Variants in RYK observed in about 807,000 individuals in gnomAD.
The protein encoded by RYK is inactive tyrosine-protein kinase RYK.
Under a neutral mutation model 70.2 loss-of-function variants are expected in RYK, and 21 were observed. That is an observed-to-expected ratio of 0.30 (90% confidence interval 0.21 to 0.43). RYK has a LOEUF of 0.43. Among genes scored for constraint, RYK ranks in the 20% least tolerant of loss-of-function variants. The pLI is 1.00. For synonymous variants in RYK, 267 were observed against 278.0 expected (o/e 0.96, Z 0.39); for missense variants, 604 against 753.3 (o/e 0.80, Z 2.32).
At chr3:134,228,245 C>T (rs2014961764) in intron 1 of RYK, among the ~76,000 whole-genome samples, 2 of 151,986 alleles carry the variant, frequency 1.3e-5, no homozygotes, top group Admixed American at 6.6e-5. Flanking sequence ...GAGCTATGAT[C>T]GTGTCACTGC....
chr3:134,241,807 C>T (rs1293994595), intron 1 of RYK, among the ~76,000 whole-genome samples: 2 of 152,196 alleles, frequency 1.3e-5, no homozygotes, highest in Non-Finnish European at 2.9e-5. Flanking sequence ...TGCCCACAAC[C>T]TCAGCATCTC....
At chr3:134,168,178 G>A (rs2012754559) in intron 13 of RYK, among the ~76,000 whole-genome samples, 1 of 152,234 alleles carries the variant, frequency 6.6e-6, no homozygotes, top group East Asian at 1.9e-4. Context: ...TGGTGGGACT[G>A]TAAACTAGTT....
rs575113625 is a variant in RYK at position 134,227,761 on chromosome 3, C to G, written c.233-5222G>C. 1.9e-3 allele frequency among the ~76,000 whole-genome samples: 286 copies of G among 152,124 alleles called. 3 individuals are homozygous for G. The highest frequency in any genetic ancestry group is 6.5e-3 in the African/African-American group (268 of 41,490). ...CTCAGCTCACTGCAAGCTCTGCCTCCCGGGTTCACGCCATTCTCCCGCCTC... is the reference window on the plus strand; with the variant it reads ...CTCAGCTCACTGCAAGCTCTGCCTCGCGGGTTCACGCCATTCTCCCGCCTC... On this transcript the variant is annotated intron_variant, in intron 1 of 14. Transcript: ENST00000623711.
At chr3:134,168,050 G>A (rs1468430200) in intron 13 of RYK, among the ~76,000 whole-genome samples, 1 of 152,172 alleles carries the variant, frequency 6.6e-6, no homozygotes, top group Non-Finnish European at 1.5e-5. Context: ...TCAGAGAAAT[G>A]CAAATCAAAA....
At chr3:134,245,808 C>T (rs988690012) in intron 1 of RYK, among the ~76,000 whole-genome samples, 29 of 152,072 alleles carry the variant, frequency 1.9e-4, no homozygotes, top group African/African-American at 7.0e-4. Flanking sequence ...TGGCCCCAAA[C>T]GAGATGTAAA....
chr3:134,174,940 CTTATA>C (rs2013046625), intron 13 of RYK, among the ~76,000 whole-genome samples: 1 of 152,126 alleles, frequency 6.6e-6, no homozygotes, highest in Admixed American at 6.6e-5. Context: ...TGGTCTGCCT[CTTATA>C]TAAGAAAGAA....
chr3:134,191,797 T>C lies in RYK; in HGVS notation c.1015+52A>G, dbSNP rs537570512. 1.2e-5 allele frequency: 18 copies of C among 1,469,260 alleles called. No homozygotes were observed. In the East Asian group the frequency reaches 3.5e-4, roughly 29 times the overall value. The allele number at this position is 1,469,260 out of a possible 1,614,324, so 91.0% of individuals were successfully genotyped here. On this transcript the variant is annotated intron_variant, in intron 8 of 14. Transcript: ENST00000623711. The stretch of plus-strand genomic sequence containing the variant: ...TTTAAATTTTTGAAAAAAGTGTCTA[T>C]AGTGGTAACATTAAATCATACTTAA...
intron 2 of RYK, among the ~76,000 whole-genome samples, chr3:134,216,818 A>AAAAAAAAAAAAAAAAAAAAAAC (rs2014568171): frequency 6.7e-6 from 1 of 149,672 alleles, no homozygotes; most frequent in Non-Finnish European, 1.5e-5. Context: ...AAAAAAAAAA[A>AAAAAAAAAAAAAAAAAAAAAAC]AAAGCTACTG....
At chr3:134,248,217 C>G (rs1436850052) in intron 1 of RYK, among the ~76,000 whole-genome samples, 7 of 152,162 alleles carry the variant, frequency 4.6e-5, no homozygotes, top group Admixed American at 3.9e-4. Context: ...GAAAATACTA[C>G]TAGAAGTCTC....
intron 6 of RYK, among the ~76,000 whole-genome samples, chr3:134,198,278 G>C (rs1322754981): frequency 6.6e-6 from 1 of 152,060 alleles, no homozygotes; most frequent in East Asian, 1.9e-4. Context: ...CAGAACTTTG[G>C]GAAAGATCAT....
chr3:134,185,470 CTT>C (rs2108159788), intron 9 of RYK, among the ~76,000 whole-genome samples: 1 of 152,288 alleles, frequency 6.6e-6, no homozygotes, highest in East Asian at 1.9e-4. Flanking sequence ...TTAGTTAAGA[CTT>C]TTGTAGGAAT....
chr3:134,188,230 G>A (rs1305517519), intron 9 of RYK, among the ~76,000 whole-genome samples: 3 of 147,540 alleles, frequency 2.0e-5, no homozygotes, highest in East Asian at 3.9e-4. Context: ...GCATGATCTC[G>A]GCTCACTGCA....
intron 6 of RYK, among the ~76,000 whole-genome samples, chr3:134,199,486 G>A (rs186127627): frequency 6.6e-6 from 1 of 152,350 alleles, no homozygotes; most frequent in East Asian, 1.9e-4. Flanking sequence ...GCTCCTAGAA[G>A]AGCAATCCTG....
intron 1 of RYK, among the ~76,000 whole-genome samples, chr3:134,239,531 G>C (rs1395106621): frequency 6.6e-6 from 1 of 152,178 alleles, no homozygotes; most frequent in Non-Finnish European, 1.5e-5. Flanking sequence ...CCATTAGTAA[G>C]TATAGCTTCA....
chr3:134,238,385 G>C (rs555076802), intron 1 of RYK, among the ~76,000 whole-genome samples: 1 of 152,274 alleles, frequency 6.6e-6, no homozygotes, highest in South Asian at 2.1e-4. Context: ...ACAGAAAGGA[G>C]GATTAGAGAG....
intron 1 of RYK, among the ~76,000 whole-genome samples, chr3:134,223,062 A>G (rs1430788853): frequency 6.6e-6 from 1 of 152,178 alleles, no homozygotes; most frequent in Non-Finnish European, 1.5e-5. Context: ...CATGGTACAC[A>G]CTTGCACCAG....
At chr3:134,243,439 C>G (rs1464531520) in intron 1 of RYK, among the ~76,000 whole-genome samples, 1 of 152,192 alleles carries the variant, frequency 6.6e-6, no homozygotes, top group Admixed American at 6.5e-5. Flanking sequence ...GTTATCTTCC[C>G]TATAACCCAG....
In RYK at chr3:134,195,116, T is replaced by A. The variant is rs2013771244; in HGVS notation, c.855A>T (p.Arg285Ser). 1 of 1,613,532 alleles carries A rather than the reference T, an allele frequency of 6.2e-7. No homozygotes were observed. The highest frequency in any genetic ancestry group is 8.5e-7 in the Non-Finnish European group (1 of 1,179,662). The stretch of plus-strand genomic sequence containing the variant: ...GAGTTGCATTGTTGGGCGTGTCTGC[T>A]CTCAGATACTGAGTCGTCTGGGTGG... ...QPSTQTTQYL[R>S]ADTPNNATPI... The change falls in exon 7 of 15, where the codon AGA (arginine) becomes AGT (serine). Residue 285 changes from arginine to serine, a missense_variant. This residue lies in a region of RYK where 466 missense variants were observed against 535.9 expected (regional missense o/e 0.87). Transcript: ENST00000623711.
At chr3:134,209,206 C>A (rs1390290046) in intron 4 of RYK, among the ~76,000 whole-genome samples, 1 of 152,164 alleles carries the variant, frequency 6.6e-6, no homozygotes, top group African/African-American at 2.4e-5. Flanking sequence ...AAACAACAAA[C>A]CTCTGAAACA....
Sources: gnomAD v4.1 joint callset for allele counts (sites outside exome capture counted in the v4.1 genomes callset) on GRCh38, gnomAD v4.1.1 for gene constraint, gnomAD v4.1.1 regional missense constraint, MANE v1.5 for transcripts, NCBI Gene and HGNC (gene_info 2026-07-23, HGNC 2026-07-21) for gene names.